Variants in TMTC2 observed in about 807,000 individuals in gnomAD.
TMTC2 encodes the protein transmembrane O-mannosyltransferase targeting cadherins 2.
Under a neutral mutation model 82.4 loss-of-function variants are expected in TMTC2, and 43 were observed. The observed-to-expected ratio is 0.52, with a 90% CI of 0.41 to 0.67. The LOEUF is 0.67. TMTC2 is among the 30% of genes least tolerant of loss of function. TMTC2 has a pLI of 0.00. For synonymous variants in TMTC2, 408 were observed against 381.9 expected, an observed-to-expected ratio of 1.07 and a Z score of -0.80; for missense variants, 919 against 1,012.4, an observed-to-expected ratio of 0.91 and a Z score of 1.25.
intron 1 of TMTC2, among the ~76,000 whole-genome samples, chr12:82,842,681 G>C (rs1249050027): frequency 6.6e-6 from 1 of 152,138 alleles, no homozygotes; most frequent in African/African-American, 2.4e-5. Flanking sequence ...CACAGTTCTA[G>C]ACTTTAGAAA....
At chr12:82,830,991 T>C (rs187283246) in intron 1 of TMTC2, among the ~76,000 whole-genome samples, 32 of 152,260 alleles carry the variant, frequency 2.1e-4, no homozygotes, top group African/African-American at 7.7e-4. Context: ...GGCGAGGGAA[T>C]AGATTTAGAG....
intron 11 of TMTC2, among the ~76,000 whole-genome samples, chr12:83,082,282 G>A (rs148856017): frequency 6.6e-6 from 1 of 152,286 alleles, no homozygotes; most frequent in East Asian, 1.9e-4. Flanking sequence ...CATTTAAAGT[G>A]TGCTAACACA....
intron 11 of TMTC2, among the ~76,000 whole-genome samples, chr12:83,069,708 C>T (rs999037182): frequency 3.9e-5 from 6 of 151,960 alleles, no homozygotes; most frequent in African/African-American, 1.4e-4. Flanking sequence ...AATTAGGTCC[C>T]AGCTATTTAT....
At chr12:83,044,373 T>G (rs1006963647) in intron 9 of TMTC2, among the ~76,000 whole-genome samples, 3 of 152,188 alleles carry the variant, frequency 2.0e-5, no homozygotes, top group Non-Finnish European at 2.9e-5. Flanking sequence ...GAGCCATTGT[T>G]CCTCTGATGT....
intron 1 of TMTC2, among the ~76,000 whole-genome samples, chr12:82,764,852 T>A (rs1197657110): frequency 1.5e-5 from 2 of 131,692 alleles, no homozygotes; most frequent in African/African-American, 2.8e-5. Context: ...TTTTTTTTTT[T>A]AACATAAGAT....
intron 8 of TMTC2, among the ~76,000 whole-genome samples, chr12:82,997,452 T>C (rs1879719806): frequency 8.6e-6 from 1 of 116,854 alleles, no homozygotes; most frequent in African/African-American, 3.0e-5. Flanking sequence ...AGAACTATAA[T>C]ATTTTTATAT....
At chr12:83,032,264 T>G (rs1167519934) in intron 9 of TMTC2, among the ~76,000 whole-genome samples, 7 of 11,562 alleles carry the variant, frequency 6.1e-4, no homozygotes, top group African/African-American at 1.9e-3. Flanking sequence ...ATTTTATATA[T>G]ATATATATAT....
At chr12:82,818,060 C>A (rs1868853192) in intron 1 of TMTC2, among the ~76,000 whole-genome samples, 1 of 152,106 alleles carries the variant, frequency 6.6e-6, no homozygotes. Flanking sequence ...TTCTTTCCCC[C>A]TGTATCTTAT....
chr12:82,951,181 T>C (rs1414334237), intron 4 of TMTC2, among the ~76,000 whole-genome samples: 1 of 152,212 alleles, frequency 6.6e-6, no homozygotes, highest in African/African-American at 2.4e-5. Context: ...ATTTACCTAG[T>C]TTATGTGTGG....
chr12:83,002,126 G>A (rs577335642), intron 8 of TMTC2, among the ~76,000 whole-genome samples: 3 of 151,994 alleles, frequency 2.0e-5, no homozygotes, highest in Non-Finnish European at 4.4e-5. Context: ...TGGTGGTTAG[G>A]TTTTTTTATT....
At chr12:82,800,529 C>T (rs1878941300) in intron 1 of TMTC2, among the ~76,000 whole-genome samples, 3 of 152,146 alleles carry the variant, frequency 2.0e-5, no homozygotes, top group Admixed American at 2.0e-4. Context: ...TCATATTTTT[C>T]TCATTAAAGC....
intron 8 of TMTC2, among the ~76,000 whole-genome samples, chr12:82,995,022 T>C (rs1271408408): frequency 6.6e-6 from 1 of 152,192 alleles, no homozygotes; most frequent in Non-Finnish European, 1.5e-5. Flanking sequence ...AGCTTGTTAT[T>C]CTTTCTGCTA....
rs148979901 is a variant in TMTC2, at chr12:82,857,563, T to C, written c.637T>C (p.Leu213=). Residue 213 remains leucine, a synonymous_variant, in exon 2 of 12, where the codon TTA becomes CTA. Transcript: ENST00000321196. The part of the protein sequence containing the change: ...VFHRLKIKQI[L]PTIYKRKNLS... ...TCACAGGCTGAAAATAAAACAGATA[T>C]TACCTACCATTTACAAAGTAAGTGA... 26 of 1,607,054 alleles carry C rather than the reference T, an allele frequency of 1.6e-5. No homozygotes were observed. In the African/African-American group the frequency reaches 1.7e-4, roughly 11 times the overall value.
chr12:83,053,736 A>G (rs996077570), intron 10 of TMTC2, among the ~76,000 whole-genome samples: 8 of 152,206 alleles, frequency 5.3e-5, no homozygotes, highest in Admixed American at 2.0e-4. Context: ...AAGCTAATAT[A>G]AAGTTTTGAA....
chr12:82,843,392 C>G (rs910641306), intron 1 of TMTC2, among the ~76,000 whole-genome samples: 1 of 152,074 alleles, frequency 6.6e-6, no homozygotes, highest in Non-Finnish European at 1.5e-5. Context: ...CAGCAGGACT[C>G]TTACTTTCCA....
intron 4 of TMTC2, among the ~76,000 whole-genome samples, chr12:82,953,666 A>G (rs1877466393): frequency 6.6e-6 from 1 of 152,184 alleles, no homozygotes; most frequent in African/African-American, 2.4e-5. Flanking sequence ...GTTATGTAAA[A>G]TCTCATTACT....
At chr12:82,875,693 G>A (rs1872448956) in intron 2 of TMTC2, among the ~76,000 whole-genome samples, 2 of 152,066 alleles carry the variant, frequency 1.3e-5, no homozygotes, top group South Asian at 4.1e-4. Context: ...TAAGCAGAAG[G>A]TGATTTCCAA....
intron 4 of TMTC2, among the ~76,000 whole-genome samples, chr12:82,962,642 T>C (rs1215548667): frequency 6.6e-6 from 1 of 152,068 alleles, no homozygotes; most frequent in African/African-American, 2.4e-5. Flanking sequence ...TTTGGATGTA[T>C]TGATTTTGAA....
chr12:83,034,536 T>A (rs1277662020), intron 9 of TMTC2, among the ~76,000 whole-genome samples: 4 of 152,160 alleles, frequency 2.6e-5, no homozygotes, highest in Non-Finnish European at 5.9e-5. Context: ...AAGACAGGAC[T>A]AGAGAAAGGT....
Sources: allele counts gnomAD v4.1 joint callset (sites outside exome capture counted in the v4.1 genomes callset), GRCh38; gene constraint gnomAD v4.1.1; transcripts MANE v1.5; gene names NCBI Gene and HGNC (gene_info 2026-07-23, HGNC 2026-07-21).